Variants in IGF2BP3 observed in about 807,000 individuals in gnomAD.
IGF2BP3 encodes insulin-like growth factor 2 mRNA-binding protein 3.
In IGF2BP3, 9 loss-of-function variants were observed where a neutral mutation model predicts 73.8. That is an observed-to-expected ratio of 0.12 (90% CI 0.07 to 0.21). The LOEUF is 0.21. Ranked by LOEUF, IGF2BP3 falls within the 10% of genes least tolerant of loss-of-function variation. IGF2BP3 has a pLI of 1.00. For missense variants in IGF2BP3, 542 were observed against 714.0 expected (o/e 0.76, Z 2.75); for synonymous variants, 258 against 256.7 (o/e 1.01, Z -0.05).
intron 2 of IGF2BP3, among the ~76,000 whole-genome samples, chr7:23,453,634 T>A (rs1394823975): frequency 6.6e-6 from 1 of 152,180 alleles, no homozygotes; most frequent in African/African-American, 2.4e-5. Flanking sequence ...TGAAAGGTAT[T>A]CTCATTTTAA....
intron 2 of IGF2BP3, 46 bp from the exon 3 acceptor site, chr7:23,418,870 C>G: frequency 7.8e-7 from 1 of 1,288,910 alleles, no homozygotes; most frequent in Non-Finnish European, 1.1e-6. Context: ...AACATAAAAG[C>G]AAAACAATAA....
chr7:23,416,389 A>G (rs1409555501), intron 3 of IGF2BP3, among the ~76,000 whole-genome samples: 2 of 152,046 alleles, frequency 1.3e-5, no homozygotes. Flanking sequence ...TTTTCATCCC[A>G]CTGCTCCTCT....
At chr7:23,459,281 G>T (rs754780399) in intron 2 of IGF2BP3, among the ~76,000 whole-genome samples, 8 of 152,044 alleles carry the variant, frequency 5.3e-5, no homozygotes, top group Non-Finnish European at 8.8e-5. Context: ...TTCATAATTG[G>T]GGAAACATGC....
chr7:23,424,920 C>T (rs1213643524), intron 2 of IGF2BP3, among the ~76,000 whole-genome samples: 3 of 152,164 alleles, frequency 2.0e-5, no homozygotes, highest in African/African-American at 4.8e-5. Flanking sequence ...TTTCAATTAA[C>T]GAGTATGATA....
intron 2 of IGF2BP3, among the ~76,000 whole-genome samples, chr7:23,435,944 AC>A (rs1787799925): frequency 6.6e-6 from 1 of 151,890 alleles, no homozygotes; most frequent in Admixed American, 6.6e-5. Context: ...TTTAGTAGAG[AC>A]GGGGTTTTAC....
chr7:23,352,710 G>C (rs910572191), intron 5 of IGF2BP3, among the ~76,000 whole-genome samples: 2 of 152,120 alleles, frequency 1.3e-5, no homozygotes, highest in African/African-American at 4.8e-5. Context: ...GAACACACCA[G>C]GGCCCCGGAA....
chr7:23,470,192 G>C lies in IGF2BP3; in HGVS notation c.-82C>G. ...CCCACGGTGATGGATGGATCCAGCT[G>C]GTTTTGTTCCCCTCGTCTTCTCGCC... On this transcript the variant is annotated 5_prime_UTR_variant, in exon 1 of 15. Coordinates refer to ENST00000258729, the MANE Select transcript of IGF2BP3 (RefSeq NM_006547.3). 1 of 1,165,156 alleles carries C rather than the reference G, an allele frequency of 8.6e-7. No individual in the cohort carries two copies. Among genetic ancestry groups the C allele is most frequent in the Non-Finnish European group, 1.2e-6 (1 of 822,954 alleles). The allele number at this position is 1,165,156 out of a possible 1,614,324, so 72.2% of individuals were successfully genotyped here. A position where few individuals can be genotyped will look rare whatever the true frequency, so the allele number is the denominator to read the frequency against.
chr7:23,370,675 GTTT>G (rs895564098), intron 3 of IGF2BP3, among the ~76,000 whole-genome samples: 1 of 148,246 alleles, frequency 6.7e-6, no homozygotes, highest in African/African-American at 2.6e-5. Context: ...AGGTTTTTTG[GTTT>G]TTTTGTTTTT....
At position 23,317,702 on chromosome 7, in the gene IGF2BP3, C is replaced by G. The variant is rs156414; in HGVS notation, c.1332G>C (p.Ala444=). ...FAGASIKIAP[A]EAPDAKVRMV... ...TCCTCACTTTAGCATCTGGTGCTTC[C>G]GCTGGAGCAATCTGTAACAGACCCA... The change falls in exon 12 of 15, where the codon GCG becomes GCC. Residue 444 remains alanine (A), a synonymous_variant. Transcript: ENST00000258729. The G allele has an allele frequency of 3.5e-3, 5,613 of 1,613,574 alleles. 174 individuals carry two copies. The African/African-American group carries it at 0.066, about 19-fold the overall frequency.
chr7:23,353,327 G>A (rs1404348831), intron 5 of IGF2BP3, among the ~76,000 whole-genome samples: 1 of 152,152 alleles, frequency 6.6e-6, no homozygotes, highest in Admixed American at 6.6e-5. Context: ...GGTCACTGAG[G>A]GCTAGGACCT....
chr7:23,459,761 G>A (rs560294404), intron 2 of IGF2BP3, among the ~76,000 whole-genome samples: 1 of 152,204 alleles, frequency 6.6e-6, no homozygotes, highest in East Asian at 1.9e-4. Flanking sequence ...AACCTGAGAG[G>A]AGGAGGTTGC....
intron 2 of IGF2BP3, among the ~76,000 whole-genome samples, chr7:23,466,979 TTA>T (rs1189183770): frequency 6.6e-6 from 1 of 152,234 alleles, no homozygotes; most frequent in East Asian, 1.9e-4. Flanking sequence ...TAAAATGGGC[TTA>T]TGTTTTTTTC....
intron 3 of IGF2BP3, among the ~76,000 whole-genome samples, chr7:23,369,209 G>C (rs549152314): frequency 2.0e-5 from 3 of 152,008 alleles, no homozygotes; most frequent in Admixed American, 2.0e-4. Context: ...GATGAACCAC[G>C]CATGCAACCA....
At chr7:23,390,802 T>G (rs1317813505) in intron 3 of IGF2BP3, among the ~76,000 whole-genome samples, 1 of 145,990 alleles carries the variant, frequency 6.8e-6, no homozygotes, top group Non-Finnish European at 1.5e-5. Flanking sequence ...ATTGTTGCCT[T>G]TTTTTTTTTT....
chr7:23,313,429 T>A, intron 13 of IGF2BP3, 93 bp downstream of exon 13: 1 of 1,434,822 alleles, frequency 7.0e-7, no homozygotes, highest in South Asian at 1.3e-5. Flanking sequence ...CTGCTTTTTA[T>A]AAATTAGCCA....
In IGF2BP3 at chr7:23,312,399, G is replaced by A; in HGVS notation, c.1703C>T (p.Ala568Val). The A allele has an allele frequency of 6.2e-7, 1 of 1,613,520 alleles. No individual in the cohort carries two copies. Among genetic ancestry groups the A allele is most frequent in the Non-Finnish European group, 8.5e-7 (1 of 1,179,948 alleles). Residue 568 changes from alanine to valine, a missense_variant, in exon 15 of 15, where the codon GCT becomes GTT. By Grantham distance (64) the Ala-to-Val change is moderately conservative (BLOSUM62 0). Around this residue, in one of 2 missense-constraint regions of IGF2BP3, gnomAD observed 303 missense variants for 472.1 expected, o/e 0.64. Transcript: ENST00000258729. ...TGACTGAGGTGGTCCACTTTGCAGA[G>A]CCTTCTGTTGTTGGTGCTGCTTTAC... ...TQVKQHQQQK[A>V]LQSGPPQSRR... is the part of the protein sequence containing the mutation.
At position 23,360,435 on chromosome 7, in the gene IGF2BP3, G is replaced by A. The variant is rs188322779; in HGVS notation, c.401+1099C>T. 2.0e-5 allele frequency among the ~76,000 whole-genome samples: 3 copies of A among 152,306 alleles called. No homozygotes were observed. In the East Asian group the frequency reaches 5.8e-4, roughly 29 times the overall value. Reference sequence around the variant, plus strand: ...TGTGTAAAAGGAGGAATACATACATGTAGCATTTGTTTTCCACATGGTTAT... The same window carrying A: ...TGTGTAAAAGGAGGAATACATACATATAGCATTTGTTTTCCACATGGTTAT... On this transcript the variant is annotated intron_variant, in intron 5 of 14. Transcript: ENST00000258729.
chr7:23,315,366 T>A (rs529560740), intron 12 of IGF2BP3, among the ~76,000 whole-genome samples: 1 of 152,200 alleles, frequency 6.6e-6, no homozygotes, highest in South Asian at 2.1e-4. Context: ...CCTAGGCCTC[T>A]CAAAGTGCTG....
At chr7:23,382,099 A>G (rs1785929722) in intron 3 of IGF2BP3, among the ~76,000 whole-genome samples, 1 of 152,090 alleles carries the variant, frequency 6.6e-6, no homozygotes, top group African/African-American at 2.4e-5. Context: ...AAAATAAATT[A>G]GCCAGGTGTG....
Sources: gnomAD v4.1 joint callset for allele counts (sites outside exome capture counted in the v4.1 genomes callset) on GRCh38, gnomAD v4.1.1 for gene constraint, gnomAD v4.1.1 regional missense constraint, MANE v1.5 for transcripts, NCBI Gene and HGNC (gene_info 2026-07-23, HGNC 2026-07-21) for gene names.